CSMD1: variants seen among roughly 807,000 people sequenced by gnomAD.
CSMD1 encodes CUB and sushi domain-containing protein 1.
Under a neutral mutation model 417.5 loss-of-function variants are expected in CSMD1, and 213 were observed. That is an observed-to-expected ratio of 0.51 (90% CI 0.46 to 0.57). CSMD1 has a LOEUF of 0.57. CSMD1 is among the 20% of genes least tolerant of loss of function. The probability of loss-of-function intolerance (pLI) is 0.00; values close to 1 mark genes in which losing one functional copy is unlikely to be tolerated. For synonymous variants in CSMD1, 2,862 were observed against 1,736.8 expected (o/e 1.65, Z -16.11); for missense variants, 6,923 against 4,529.7 (o/e 1.53, Z -15.17).
chr8:3,575,669 C>G (rs1454588291), intron 9 of CSMD1, among the ~76,000 whole-genome samples: 1 of 151,756 alleles, frequency 6.6e-6, no homozygotes. Context: ...CAAATAGGAA[C>G]TTAAAATTTA....
intron 2 of CSMD1, among the ~76,000 whole-genome samples, chr8:4,627,725 T>G (rs928822591): frequency 6.6e-6 from 1 of 152,134 alleles, no homozygotes; most frequent in South Asian, 2.1e-4. Flanking sequence ...AAAATAACAG[T>G]TGCTCCCCTC....
intron 3 of CSMD1, among the ~76,000 whole-genome samples, chr8:4,183,600 G>C (rs1798499365): frequency 1.3e-5 from 2 of 152,082 alleles, no homozygotes; most frequent in African/African-American, 4.8e-5. Context: ...TCATAATTTT[G>C]AACTTTTTTA....
intron 52 of CSMD1, among the ~76,000 whole-genome samples, chr8:3,007,731 T>A (rs186548288): frequency 0.028 from 3,725 of 132,852 alleles, 171 homozygotes; most frequent in African/African-American, 0.099. Context: ...TGAGATCACA[T>A]GGACACAGGA....
intron 2 of CSMD1, among the ~76,000 whole-genome samples, chr8:4,582,656 C>G (rs1158734134): frequency 6.6e-6 from 1 of 152,222 alleles, no homozygotes. Flanking sequence ...TGAGAGGTGA[C>G]AGCAGGCTGG....
chr8:4,916,197 G>A lies in CSMD1; in HGVS notation c.85+78135C>T, dbSNP rs562136312. ...GTAGAGTCCTCTCCATGGGAGCATT[G>A]TGAGGCAGCTCCGTAGATGACCACA... On this transcript the variant is annotated intron_variant, in intron 1 of 69. Transcript: ENST00000635120. Among the ~76,000 whole-genome samples the A allele has an allele frequency of 5.6e-4, 85 of 152,334 alleles. 3 individuals carry two copies. The South Asian group carries it at 0.018, about 32-fold the overall frequency.
rs986645218 is a variant in CSMD1 at position 3,927,126 on chromosome 8, A to G, written c.818+70777T>C. 1.2e-3 allele frequency among the ~76,000 whole-genome samples: 185 copies of G among 152,102 alleles called. 1 individual carries two copies. The highest frequency in any genetic ancestry group is 4.1e-3 in the African/African-American group (170 of 41,552). On this transcript the variant is annotated intron_variant, in intron 5 of 69. Coordinates refer to ENST00000635120, the MANE Select transcript of CSMD1 (RefSeq NM_033225.6). ...TATCGTTTTTAACTGAGAATAATAT[A>G]AATTATTATAAATAAAAGATAGGGT...
At chr8:4,970,799 C>G (rs949303540) in intron 1 of CSMD1, among the ~76,000 whole-genome samples, 12 of 152,020 alleles carry the variant, frequency 7.9e-5, no homozygotes, top group Admixed American at 2.6e-4. Context: ...TACAGAATCT[C>G]AAAACCAGGT....
intron 1 of CSMD1, among the ~76,000 whole-genome samples, chr8:4,953,951 T>C (rs1476152114): frequency 1.3e-5 from 2 of 152,108 alleles, no homozygotes; most frequent in South Asian, 2.1e-4. Context: ...GTGCACCTAA[T>C]GCACAGTAAA....
intron 7 of CSMD1, among the ~76,000 whole-genome samples, chr8:3,660,917 T>C (rs1161490689): frequency 1.3e-5 from 2 of 152,178 alleles, no homozygotes; most frequent in Non-Finnish European, 2.9e-5. Context: ...TCCCAATTCA[T>C]AGAAGTTTCT....
At chr8:3,985,284 A>C (rs1312723937) in intron 5 of CSMD1, among the ~76,000 whole-genome samples, 1 of 152,222 alleles carries the variant, frequency 6.6e-6, no homozygotes, top group East Asian at 1.9e-4. Flanking sequence ...TGCACAAAGC[A>C]CATTTGCAGA....
intron 2 of CSMD1, among the ~76,000 whole-genome samples, chr8:4,470,752 AC>A (rs752357773): frequency 5.3e-5 from 8 of 152,222 alleles, no homozygotes; most frequent in Non-Finnish European, 1.0e-4. Context: ...ACCATGAATG[AC>A]TTAATTGGAC....
intron 2 of CSMD1, among the ~76,000 whole-genome samples, chr8:4,420,534 T>A (rs1490352897): frequency 6.6e-6 from 1 of 151,736 alleles, no homozygotes; most frequent in Non-Finnish European, 1.5e-5. Flanking sequence ...TATTTTTAAT[T>A]TTTTTCTAAT....
chr8:4,884,843 T>TG (rs1803636244), intron 1 of CSMD1, among the ~76,000 whole-genome samples: 1 of 152,144 alleles, frequency 6.6e-6, no homozygotes, highest in South Asian at 2.1e-4. Context: ...CTTGGGTATT[T>TG]GGGGTTCTCT....
chr8:4,815,195 G>C (rs775502957), intron 1 of CSMD1, among the ~76,000 whole-genome samples: 1 of 152,094 alleles, frequency 6.6e-6, no homozygotes, highest in African/African-American at 2.4e-5. Context: ...ATTTGAACAT[G>C]TTAGAACAAA....
chr8:3,683,074 A>G (rs1038335657), intron 7 of CSMD1, among the ~76,000 whole-genome samples: 1 of 152,166 alleles, frequency 6.6e-6, no homozygotes, highest in Non-Finnish European at 1.5e-5. Context: ...AAGGGATAGC[A>G]TTAGGAGATA....
At chr8:4,886,673 C>T (rs73185709) in intron 1 of CSMD1, among the ~76,000 whole-genome samples, 11,595 of 152,056 alleles carry the variant, frequency 0.076, 540 homozygotes, top group Middle Eastern at 0.1. Context: ...AATCACAGTA[C>T]ATATCACAGA....
chr8:3,938,252 A>C, intron 5 of CSMD1, among the ~76,000 whole-genome samples: 1 of 152,160 alleles, frequency 6.6e-6, no homozygotes, highest in East Asian at 1.9e-4. Flanking sequence ...TTACTGTTTA[A>C]AAAAAATTAA....
At chr8:4,626,008 G>C (rs995697360) in intron 2 of CSMD1, among the ~76,000 whole-genome samples, 2 of 152,130 alleles carry the variant, frequency 1.3e-5, no homozygotes, top group Non-Finnish European at 2.9e-5. Context: ...ATAGGCATGA[G>C]TCACCATGCT....
chr8:2,993,308 C>T (rs1251681630), intron 54 of CSMD1, among the ~76,000 whole-genome samples: 1 of 152,182 alleles, frequency 6.6e-6, no homozygotes, highest in East Asian at 1.9e-4. Flanking sequence ...TCTGGGTTTT[C>T]TAAATCATCC....
Sources: allele counts gnomAD v4.1 joint callset (sites outside exome capture counted in the v4.1 genomes callset), GRCh38; gene constraint gnomAD v4.1.1; transcripts MANE v1.5; gene names NCBI Gene and HGNC (gene_info 2026-07-23, HGNC 2026-07-21).